DAG1: variants seen among roughly 807,000 people sequenced by gnomAD.
The protein encoded by DAG1 is dystroglycan 1 (dystrophin-associated glycoprotein 1).
In DAG1, 8 loss-of-function variants were observed where a neutral mutation model predicts 46.1. The ratio of observed to expected loss-of-function variants is 0.17; its 90% CI spans 0.10 to 0.31. DAG1 has a LOEUF of 0.31. Ranked by LOEUF, DAG1 falls within the 10% of genes least tolerant of loss-of-function variation. The pLI, the probability that DAG1 is intolerant of heterozygous loss-of-function variation, is 1.00. For missense variants in DAG1, 1,003 were observed against 1,189.9 expected (o/e 0.84, Z 2.31); for synonymous variants, 495 against 481.8 (o/e 1.03, Z -0.36).
At chr3:49,491,447 A>T (rs2107327768) in intron 1 of DAG1, among the ~76,000 whole-genome samples, 1 of 151,212 alleles carries the variant, frequency 6.6e-6, no homozygotes, top group East Asian at 2.0e-4. Flanking sequence ...AGTAGCAGGG[A>T]TCATAGGCAC....
intron 1 of DAG1, among the ~76,000 whole-genome samples, chr3:49,477,524 C>T (rs2049716270): frequency 6.6e-6 from 1 of 151,934 alleles, no homozygotes; most frequent in Non-Finnish European, 1.5e-5. Context: ...AACCCCTGGG[C>T]TCAAACGATC....
intron 1 of DAG1, among the ~76,000 whole-genome samples, chr3:49,471,710 C>G (rs987279046): frequency 6.6e-6 from 1 of 152,150 alleles, no homozygotes; most frequent in African/African-American, 2.4e-5. Flanking sequence ...CCTCACTGTT[C>G]TTAAAAATTG....
chr3:49,527,834 C>T (rs28437264), intron 2 of DAG1, among the ~76,000 whole-genome samples: 1 of 152,208 alleles, frequency 6.6e-6, no homozygotes, highest in African/African-American at 2.4e-5. Context: ...TGGCTCCCTT[C>T]TTCTAGTCCC....
rs1313375346 is a variant in DAG1, at chr3:49,532,477, G to A, written c.1966G>A (p.Val656Met). ...GCAGAATATCACCCGGGGCTCCATC[G>A]TGGTGGAATGGACCAACAACACACT... is the stretch of plus-strand genomic sequence containing the variant. ...TLQNITRGSI[V>M]VEWTNNTLPL... is the part of the protein sequence containing the mutation. Residue 656 changes from valine (V) to methionine (M), a missense_variant, in exon 3 of 3, where the codon GTG (valine) becomes ATG (methionine). Physicochemically the swap from Val to Met is conservative, Grantham distance 21. Coordinates refer to ENST00000308775, the MANE Select transcript of DAG1 (RefSeq NM_004393.6). The surrounding 1 kb of genome is among the most constrained non-coding windows in gnomAD (Gnocchi z 5.4). 24 of 1,614,064 alleles carry A rather than the reference G, an allele frequency of 1.5e-5. No individual in the cohort carries two copies. Among genetic ancestry groups the A allele is most frequent in the Non-Finnish European group, 2.0e-5 (24 of 1,180,044 alleles).
chr3:49,484,675 A>G (rs2049972865), intron 1 of DAG1, among the ~76,000 whole-genome samples: 2 of 151,976 alleles, frequency 1.3e-5, no homozygotes, highest in South Asian at 4.1e-4. Flanking sequence ...AATGGGGTCC[A>G]TTGTGGGCTG....
intron 1 of DAG1, among the ~76,000 whole-genome samples, chr3:49,477,392 A>G (rs764843000): frequency 5.9e-5 from 9 of 152,132 alleles, no homozygotes; most frequent in Non-Finnish European, 1.2e-4. Flanking sequence ...CCTAGGCTCA[A>G]GCCATCCTCC....
At chr3:49,478,166 C>T (rs1445797112) in intron 1 of DAG1, among the ~76,000 whole-genome samples, 7 of 149,222 alleles carry the variant, frequency 4.7e-5, no homozygotes, top group Admixed American at 1.4e-4. Context: ...ACCTGGGAGG[C>T]TGAGGCAGGA....
rs1309437196 is a variant in DAG1 at position 49,532,612 on chromosome 3, A to G, written c.2101A>G (p.Lys701Glu). The G allele has an allele frequency of 1.2e-6, 2 of 1,613,038 alleles. No individual in the cohort carries two copies. Among genetic ancestry groups the G allele is most frequent in the South Asian group, 1.1e-5 (1 of 91,080 alleles). ...CTCCAACGCCCTAGAGCCTGACTTTAAGGCCACAAGCATCACTGTGACGGG... is the reference window on the plus strand; with the variant it reads ...CTCCAACGCCCTAGAGCCTGACTTTGAGGCCACAAGCATCACTGTGACGGG... ...AFSNALEPDF[K>E]ATSITVTGSG... The change falls in exon 3 of 3, where the codon AAG (lysine) becomes GAG (glutamate). Residue 701 changes from lysine (K) to glutamate (E), a missense_variant. Lys to Glu is a moderately conservative substitution (Grantham distance 56). Around this residue, in one of 3 missense-constraint regions of DAG1, gnomAD observed 755 missense variants for 854.1 expected, o/e 0.88. Coordinates refer to ENST00000308775, the MANE Select transcript of DAG1 (RefSeq NM_004393.6). The surrounding 1 kb of genome is among the most constrained non-coding windows in gnomAD (Gnocchi z 5.4).
At chr3:49,486,985 G>A (rs536212944) in intron 1 of DAG1, among the ~76,000 whole-genome samples, 16 of 152,084 alleles carry the variant, frequency 1.1e-4, no homozygotes, top group Non-Finnish European at 8.8e-5. Flanking sequence ...TGCCTCCCAG[G>A]TTGAAGTGAT....
Position 49,510,436 on chromosome 3 carries a change from A to G in DAG1, c.-99A>G. 2 of 1,143,750 alleles carry G rather than the reference A, an allele frequency of 1.7e-6. No individual in the cohort carries two copies. The highest frequency in any genetic ancestry group is 2.6e-6 in the Non-Finnish European group (2 of 763,112). The allele number at this position is 1,143,750 out of a possible 1,614,324, so 70.9% of individuals were successfully genotyped here. A position where few individuals can be genotyped will look rare whatever the true frequency, so the allele number is the denominator to read the frequency against. ...TTTTTCAGGCTCTGTGTGCTCCGGG[A>G]TGGAGCAGGTGTGCAGAGGGTGAGA... is the stretch of plus-strand genomic sequence containing the variant. On this transcript the variant is annotated 5_prime_UTR_variant, in exon 2 of 3. The change abolishes an upstream ATG in the 5' untranslated region. Coordinates refer to ENST00000308775, the MANE Select transcript of DAG1 (RefSeq NM_004393.6).
intron 2 of DAG1, among the ~76,000 whole-genome samples, chr3:49,525,855 G>GT (rs1316262594): frequency 6.7e-6 from 1 of 148,552 alleles, no homozygotes; most frequent in African/African-American, 2.5e-5. Flanking sequence ...ACCGCGCTCG[G>GT]CCTTTTTTTT....
chr3:49,474,810 GTT>G (rs35680171), intron 1 of DAG1, among the ~76,000 whole-genome samples: 18 of 139,564 alleles, frequency 1.3e-4, no homozygotes, highest in Non-Finnish European at 1.8e-4. Context: ...TAATTAATTA[GTT>G]TTTTTTTTTT....
At chr3:49,526,011 CAGCTAATTTTCGTAT>C (rs1411901330) in intron 2 of DAG1, among the ~76,000 whole-genome samples, 2 of 152,050 alleles carry the variant, frequency 1.3e-5, no homozygotes, top group Non-Finnish European at 2.9e-5. Flanking sequence ...CCAGCATGCC[CAGCTAATTTTCGTAT>C]TTTTAGTAGA....
intron 1 of DAG1, among the ~76,000 whole-genome samples, chr3:49,510,047 A>G (rs1046708746): frequency 6.6e-6 from 1 of 152,064 alleles, no homozygotes; most frequent in African/African-American, 2.4e-5. Context: ...ACATTTCTTT[A>G]TTATTTATTC....
chr3:49,476,752 C>G (rs1442823223), intron 1 of DAG1: 1 of 152,108 alleles, frequency 6.6e-6, no homozygotes, highest in Non-Finnish European at 1.5e-5. Context: ...GCAGGAGACT[C>G]AGTGGCATTC....
chr3:49,483,736 A>G (rs2049945140), intron 1 of DAG1, among the ~76,000 whole-genome samples: 3 of 152,186 alleles, frequency 2.0e-5, no homozygotes, highest in African/African-American at 4.8e-5. Context: ...GTGTGGTGGC[A>G]TAATCATAGC....
intron 2 of DAG1, among the ~76,000 whole-genome samples, chr3:49,522,471 A>AC (rs1482336122): frequency 6.3e-5 from 2 of 31,766 alleles, no homozygotes; most frequent in Non-Finnish European, 6.0e-5. Context: ...CCCCCCTCCC[A>AC]CCCCTTTTTT....
chr3:49,474,453 C>G (rs1328682078), intron 1 of DAG1, among the ~76,000 whole-genome samples: 1 of 152,150 alleles, frequency 6.6e-6, no homozygotes, highest in African/African-American at 2.4e-5. Flanking sequence ...TCAAGTGATT[C>G]TCCTGCCTCA....
chr3:49,530,651 C>A, intron 2 of DAG1, 146 bp from the exon 3 acceptor site: 1 of 1,167,586 alleles, frequency 8.6e-7, no homozygotes, highest in Non-Finnish European at 1.2e-6. Flanking sequence ...TCAGTTGTGT[C>A]TCTCTAGGGG....
Sources: gnomAD v4.1 joint callset for allele counts (sites outside exome capture counted in the v4.1 genomes callset) on GRCh38, gnomAD v4.1.1 for gene constraint, gnomAD v4.1.1 regional missense constraint, Gnocchi (gnomAD v3.1) non-coding constraint, MANE v1.5 for transcripts, NCBI Gene and HGNC (gene_info 2026-07-23, HGNC 2026-07-21) for gene names.